The following GRID2 variants were observed in gnomAD, a reference collection of about 807,000 sequenced individuals.
The protein encoded by GRID2 is glutamate receptor ionotropic, delta-2.
Under a neutral mutation model 114.8 loss-of-function variants are expected in GRID2, and 33 were observed. That is an observed-to-expected ratio of 0.29 (90% CI 0.22 to 0.38). The LOEUF (loss-of-function observed/expected upper bound fraction) is 0.38, where lower values mean the gene tolerates loss of function less well. Among genes scored for constraint, GRID2 ranks in the 10% least tolerant of loss-of-function variants. GRID2 has a pLI of 1.00. For synonymous variants in GRID2, 505 were observed against 449.9 expected (o/e 1.12, Z -1.55); for missense variants, 1,184 against 1,257.7 (o/e 0.94, Z 0.89).
intron 12 of GRID2, among the ~76,000 whole-genome samples, chr4:93,498,459 C>G (rs1727755336): frequency 6.6e-6 from 1 of 151,774 alleles, no homozygotes; most frequent in Admixed American, 6.6e-5. Context: ...GGAAGGAACC[C>G]AAGTATTAAA....
rs1166301580 is a variant in GRID2, at chr4:93,638,393, G to T, written c.2360+11958G>T. On this transcript the variant is annotated intron_variant, in intron 14 of 15. Coordinates refer to ENST00000282020, the MANE Select transcript of GRID2 (RefSeq NM_001510.4). ...TACATATGTATACATGTGCCATGCT[G>T]GTGCGCTGCACCCACTAATGTGTCA... Among the ~76,000 whole-genome samples the T allele has an allele frequency of 1.5e-4, 5 of 32,554 alleles. 1 individual carries two copies. The highest frequency in any genetic ancestry group is 7.6e-4 in the South Asian group (1 of 1,308). The allele number at this position is 32,554 out of a possible 152,430, so 21.4% of individuals were successfully genotyped here.
intron 1 of GRID2, among the ~76,000 whole-genome samples, chr4:93,781,236 G>A (rs1467362937): frequency 6.6e-5 from 10 of 152,134 alleles, no homozygotes; most frequent in Non-Finnish European, 8.8e-5. Context: ...CAAGTGATGG[G>A]GAACTGAGGG....
chr4:93,438,038 C>G (rs1445957480), intron 10 of GRID2, among the ~76,000 whole-genome samples: 2 of 151,946 alleles, frequency 1.3e-5, no homozygotes, highest in African/African-American at 4.8e-5. Context: ...AATCAGAAGA[C>G]TAAGGTTATG....
At chr4:93,096,032 A>C (rs1479013411) in intron 3 of GRID2, among the ~76,000 whole-genome samples, 1 of 151,992 alleles carries the variant, frequency 6.6e-6, no homozygotes, top group African/African-American at 2.4e-5. Flanking sequence ...AAATAGATTC[A>C]TGGGACATAA....
chr4:93,386,768 A>G (rs1764355606), intron 8 of GRID2, among the ~76,000 whole-genome samples: 1 of 152,152 alleles, frequency 6.6e-6, no homozygotes, highest in Non-Finnish European at 1.5e-5. Context: ...GGAATGGGAA[A>G]GTACCAAGTA....
chr4:93,068,316 C>A (rs982065652), intron 2 of GRID2, among the ~76,000 whole-genome samples: 1 of 151,912 alleles, frequency 6.6e-6, no homozygotes, highest in African/African-American at 2.4e-5. Flanking sequence ...TCACTGTGTA[C>A]AAGTATGTGT....
chr4:92,968,006 C>A (rs991282501), intron 2 of GRID2, among the ~76,000 whole-genome samples: 1 of 151,780 alleles, frequency 6.6e-6, no homozygotes, highest in African/African-American at 2.4e-5. Flanking sequence ...GAACCTTGTG[C>A]GTCTATTTTC....
intron 1 of GRID2, among the ~76,000 whole-genome samples, chr4:92,480,781 C>A (rs1486875624): frequency 6.6e-6 from 1 of 152,098 alleles, no homozygotes; most frequent in Admixed American, 6.6e-5. Context: ...GTAGGCATAT[C>A]TTTTGGGGGT....
At chr4:93,402,848 A>T (rs190246946) in intron 9 of GRID2, among the ~76,000 whole-genome samples, 1 of 152,262 alleles carries the variant, frequency 6.6e-6, no homozygotes. Flanking sequence ...AACTAAACAA[A>T]TGCCTCCAGT....
At chr4:93,654,163 C>T (rs765663683) in intron 14 of GRID2, among the ~76,000 whole-genome samples, 2 of 152,232 alleles carry the variant, frequency 1.3e-5, no homozygotes, top group Admixed American at 6.5e-5. Flanking sequence ...TTCCCAACTA[C>T]GCTTTACTGC....
chr4:93,534,335 GATATAC>G (rs1316114249), intron 13 of GRID2, among the ~76,000 whole-genome samples: 2 of 151,914 alleles, frequency 1.3e-5, no homozygotes, highest in Admixed American at 6.6e-5. Flanking sequence ...ATGGTGTTTT[GATATAC>G]ATATACTCAG....
chr4:93,155,114 T>C (rs1737061908), intron 4 of GRID2, among the ~76,000 whole-genome samples: 1 of 151,976 alleles, frequency 6.6e-6, no homozygotes, highest in African/African-American at 2.4e-5. Context: ...GTCTCAGTGA[T>C]TGGCCTGATG....
chr4:92,481,393 T>C (rs1278093908), intron 1 of GRID2, among the ~76,000 whole-genome samples: 1 of 152,140 alleles, frequency 6.6e-6, no homozygotes, highest in African/African-American at 2.4e-5. Flanking sequence ...TTTATGTGAA[T>C]CACAGACACT....
At chr4:92,908,909 C>T (rs1194761085) in intron 2 of GRID2, among the ~76,000 whole-genome samples, 5 of 152,000 alleles carry the variant, frequency 3.3e-5, no homozygotes, top group Non-Finnish European at 7.4e-5. Flanking sequence ...TTGTCTTCAA[C>T]AAAATGGATG....
chr4:93,759,897 A>G (rs113308331), intron 14 of GRID2, among the ~76,000 whole-genome samples: 303 of 152,348 alleles, frequency 2.0e-3, no homozygotes, highest in African/African-American at 6.2e-3. Flanking sequence ...GCTTCCATTT[A>G]TACAGATTTT....
intron 2 of GRID2, among the ~76,000 whole-genome samples, chr4:92,896,158 T>A (rs1303116485): frequency 6.6e-6 from 1 of 152,180 alleles, no homozygotes; most frequent in Non-Finnish European, 1.5e-5. Context: ...AAGAGAAGTT[T>A]TTTAAAAAGT....
chr4:92,452,319 A>ATT (rs374760682), intron 1 of GRID2, among the ~76,000 whole-genome samples: 5 of 140,594 alleles, frequency 3.6e-5, no homozygotes, highest in African/African-American at 2.6e-5. Context: ...ATCTGTTTAG[A>ATT]TTTTTTTTTT....
intron 2 of GRID2, among the ~76,000 whole-genome samples, chr4:92,770,860 C>T (rs6854199): frequency 0.046 from 6,978 of 152,192 alleles, 180 homozygotes; most frequent in African/African-American, 0.073. Context: ...CAAACCATAT[C>T]CCCTGGTCTG....
intron 1 of GRID2, among the ~76,000 whole-genome samples, chr4:92,400,775 T>C (rs1186069056): frequency 1.3e-5 from 2 of 152,098 alleles, no homozygotes; most frequent in Admixed American, 1.3e-4. Flanking sequence ...ACTTATTGCA[T>C]GCCTTGAAAA....
Sources: gnomAD v4.1 joint callset for allele counts (sites outside exome capture counted in the v4.1 genomes callset) on GRCh38, gnomAD v4.1.1 for gene constraint, MANE v1.5 for transcripts, NCBI Gene and HGNC (gene_info 2026-07-23, HGNC 2026-07-21) for gene names.